NUDCD3: variants seen among roughly 807,000 people sequenced by gnomAD.
The protein encoded by NUDCD3 is nudC domain-containing protein 3.
A neutral mutation model predicts 39.7 loss-of-function variants in NUDCD3; 13 were observed. The ratio of observed to expected loss-of-function variants is 0.33; its 90% confidence interval spans 0.21 to 0.52. The LOEUF (loss-of-function observed/expected upper bound fraction) is 0.52, where lower values mean the gene tolerates loss of function less well. Ranked by LOEUF, NUDCD3 falls within the 20% of genes least tolerant of loss-of-function variation. The pLI is 0.96. For synonymous variants in NUDCD3, 175 were observed against 172.4 expected (o/e 1.02, Z -0.12); for missense variants, 453 against 458.1 (o/e 0.99, Z 0.10).
intron 1 of NUDCD3, among the ~76,000 whole-genome samples, chr7:44,488,103 G>A (rs867026329): frequency 2.6e-5 from 4 of 152,168 alleles, no homozygotes; most frequent in South Asian, 2.1e-4. Flanking sequence ...TTAGGAGGCC[G>A]AGGCAGGCAG....
intron 2 of NUDCD3, among the ~76,000 whole-genome samples, chr7:44,435,474 T>C (rs982250829): frequency 6.6e-6 from 1 of 152,136 alleles, no homozygotes; most frequent in Non-Finnish European, 1.5e-5. Context: ...ACGTAGCATA[T>C]GAAAAATCCA....
At chr7:44,474,832 T>C (rs897053049) in intron 2 of NUDCD3, among the ~76,000 whole-genome samples, 1 of 152,196 alleles carries the variant, frequency 6.6e-6, no homozygotes, top group African/African-American at 2.4e-5. Flanking sequence ...TTCTTATGCC[T>C]GAGCTTTCTT....
chr7:44,399,772 T>C (rs1798686853), intron 4 of NUDCD3, among the ~76,000 whole-genome samples: 1 of 152,140 alleles, frequency 6.6e-6, no homozygotes, highest in Non-Finnish European at 1.5e-5. Flanking sequence ...ATTCCACTCT[T>C]GAGAAATAAT....
intron 2 of NUDCD3, among the ~76,000 whole-genome samples, chr7:44,443,775 G>A (rs1314238283): frequency 2.0e-5 from 3 of 152,150 alleles, no homozygotes; most frequent in Admixed American, 1.3e-4. Context: ...CTGTCTAGGT[G>A]AAGACCTGGG....
intron 4 of NUDCD3, chr7:44,403,009 G>A: frequency 5.2e-6 from 1 of 190,862 alleles, no homozygotes; most frequent in Non-Finnish European, 1.1e-5. Context: ...CTATAGCTTG[G>A]GAAAAGGCTC....
chr7:44,438,014 T>C (rs747837220), intron 2 of NUDCD3, among the ~76,000 whole-genome samples: 5 of 152,064 alleles, frequency 3.3e-5, no homozygotes, highest in Non-Finnish European at 5.9e-5. Context: ...GAAATATATA[T>C]TTTAAAACAA....
At chr7:44,464,513 G>A (rs6949712) in intron 2 of NUDCD3, among the ~76,000 whole-genome samples, 19,512 of 151,870 alleles carry the variant, frequency 0.13, 1,666 homozygotes, top group Non-Finnish European at 0.19. Context: ...CAGTGCAATG[G>A]CACAATCTCG....
chr7:44,439,168 T>C (rs149773972), intron 2 of NUDCD3, among the ~76,000 whole-genome samples: 64 of 151,954 alleles, frequency 4.2e-4, no homozygotes, highest in African/African-American at 1.5e-3. Context: ...TGGAAGAAGG[T>C]GAAAAACTGG....
intron 2 of NUDCD3, among the ~76,000 whole-genome samples, chr7:44,482,984 C>T (rs1344377908): frequency 6.6e-6 from 1 of 151,872 alleles, no homozygotes; most frequent in African/African-American, 2.4e-5. Flanking sequence ...AGATTAGACA[C>T]CAAAGGAGAA....
At chr7:44,406,248 T>G (rs150466469) in intron 3 of NUDCD3, among the ~76,000 whole-genome samples, 1 of 152,208 alleles carries the variant, frequency 6.6e-6, no homozygotes, top group Admixed American at 6.5e-5. Context: ...CAAGGAAGCA[T>G]CCTCTCATGA....
intron 2 of NUDCD3, among the ~76,000 whole-genome samples, chr7:44,468,583 C>T (rs1489174799): frequency 6.6e-6 from 1 of 152,080 alleles, no homozygotes; most frequent in Non-Finnish European, 1.5e-5. Flanking sequence ...AAGGAGCAAA[C>T]CACAAGGCAA....
intron 2 of NUDCD3, among the ~76,000 whole-genome samples, chr7:44,461,084 G>C (rs980330125): frequency 6.6e-6 from 1 of 152,166 alleles, no homozygotes; most frequent in Admixed American, 6.5e-5. Flanking sequence ...CCCCTCCCAA[G>C]GGGATTCTCT....
intron 2 of NUDCD3, among the ~76,000 whole-genome samples, chr7:44,432,200 T>C (rs760600511): frequency 1.3e-5 from 2 of 152,202 alleles, no homozygotes; most frequent in Non-Finnish European, 2.9e-5. Context: ...GAGAATAGCT[T>C]GAGCCCAGGC....
intron 2 of NUDCD3, among the ~76,000 whole-genome samples, chr7:44,462,151 ACTCT>A (rs146237029): frequency 1.1e-3 from 171 of 150,176 alleles, no homozygotes; most frequent in Non-Finnish European, 1.9e-3. Context: ...GTACACACAC[ACTCT>A]CTCTCTCTCT....
At chr7:44,447,768 A>C (rs1013133090) in intron 2 of NUDCD3, among the ~76,000 whole-genome samples, 16 of 152,218 alleles carry the variant, frequency 1.1e-4, no homozygotes, top group African/African-American at 3.4e-4. Context: ...AAAGCCATGG[A>C]TCTTAGGTGA....
At chr7:44,431,103 T>C (rs911817687) in intron 2 of NUDCD3, among the ~76,000 whole-genome samples, 5 of 152,160 alleles carry the variant, frequency 3.3e-5, no homozygotes, top group African/African-American at 1.2e-4. Flanking sequence ...GTTGATTATT[T>C]CCAGCCAACA....
intron 2 of NUDCD3, among the ~76,000 whole-genome samples, chr7:44,447,536 C>T (rs1799710794): frequency 6.6e-6 from 1 of 152,178 alleles, no homozygotes; most frequent in African/African-American, 2.4e-5. Context: ...CCTGTCACCA[C>T]GTGAGGACAC....
intron 3 of NUDCD3, among the ~76,000 whole-genome samples, chr7:44,419,320 G>A (rs984185847): frequency 0.011 from 1 of 94 alleles, no homozygotes; most frequent in African/African-American, 0.033. Context: ...TGAAAGAAAG[G>A]CAGCAGCCCA....
intron 3 of NUDCD3, among the ~76,000 whole-genome samples, chr7:44,419,894 A>G (rs1267570198): frequency 6.6e-6 from 1 of 152,322 alleles, no homozygotes; most frequent in South Asian, 2.1e-4. Flanking sequence ...TGAGGAAAAA[A>G]CCAGCACAAA....
Sources: allele counts gnomAD v4.1 joint callset (sites outside exome capture counted in the v4.1 genomes callset), GRCh38; gene constraint gnomAD v4.1.1; transcripts MANE v1.5; gene names NCBI Gene and HGNC (gene_info 2026-07-23, HGNC 2026-07-21).